Variants in ZNF737 observed in about 807,000 individuals in gnomAD.
The protein encoded by ZNF737 is zinc finger protein 102 (Y3).
ZNF737 carries 13 observed loss-of-function variants against 11.7 expected under a neutral mutation model. That is an observed-to-expected ratio of 1.11 (90% CI 0.73 to 1.77). ZNF737 has a LOEUF of 1.77. Ranked by LOEUF, ZNF737 falls within the 40% of genes most tolerant of loss-of-function variation. The probability of loss-of-function intolerance (pLI) is 0.00; values close to 1 mark genes in which losing one functional copy is unlikely to be tolerated. For synonymous variants in ZNF737, 217 were observed against 216.2 expected, an observed-to-expected ratio of 1.00 and a Z score of -0.03; for missense variants, 636 against 638.0, an observed-to-expected ratio of 1.00 and a Z score of 0.03.
chr19:20,545,825 G>A lies in ZNF737; in HGVS notation c.378C>T (p.His126=), dbSNP rs781973001. The A allele has an allele frequency of 6.2e-6, 10 of 1,613,370 alleles. No individual in the cohort carries two copies. The South Asian group carries it at 8.8e-5, about 14-fold the overall frequency. ...GGTTAAGTCCATTATAACCTCTTTT[G>A]TGCACCTTACACTCATCTACACTTT... ...GCESVDECKV[H]KRGYNGLNQY... The change falls in exon 4 of 4, where the codon CAC becomes CAT. Residue 126 remains histidine (H), a synonymous_variant. Coordinates refer to ENST00000427401, the MANE Select transcript of ZNF737 (RefSeq NM_001159293.2).
chr19:20,542,693 C>T lies in ZNF737; in HGVS notation c.*1899G>A, dbSNP rs1159740485. On this transcript the variant is annotated 3_prime_UTR_variant, in exon 4 of 4. Transcript: ENST00000427401. ...TACATTACTTAATAGAATTTTACTACAAACAGCTTCTCCACTTGTATTTTC... is the reference window on the plus strand; with the variant it reads ...TACATTACTTAATAGAATTTTACTATAAACAGCTTCTCCACTTGTATTTTC... 20 of 983,656 alleles carry T rather than the reference C, an allele frequency of 2.0e-5. No individual in the cohort carries two copies. Among genetic ancestry groups the T allele is most frequent in the Non-Finnish European group, 2.4e-5 (20 of 828,542 alleles). The allele number at this position is 983,656 out of a possible 1,614,324, so 60.9% of individuals were successfully genotyped here. A position where few individuals can be genotyped will look rare whatever the true frequency, so the allele number is the denominator to read the frequency against.
intron 3 of ZNF737, 143 bp downstream of exon 3, chr19:20,552,332 G>GAAA (rs58829785): frequency 2.9e-4 from 99 of 337,420 alleles, no homozygotes; most frequent in South Asian, 4.4e-4. Context: ...ATTTAAAAAA[G>GAAA]AAAAAAAAAA....
rs548051104 is a variant in ZNF737, at chr19:20,539,262, C to T, written c.*5330G>A. On this transcript the variant is annotated 3_prime_UTR_variant, in exon 4 of 4. Transcript: ENST00000427401. ...CTGAGCACGTACCATTGCAGTGCAG[C>T]GTGAGTGACAGAGTGAGAATCCTTC... 1.4e-5 allele frequency: 13 copies of T among 941,908 alleles called. No homozygotes were observed. Among genetic ancestry groups the T allele is most frequent in the Non-Finnish European group, 1.6e-5 (13 of 791,838 alleles). The allele number at this position is 941,908 out of a possible 1,614,324, so 58.3% of individuals were successfully genotyped here.
At position 20,543,079 on chromosome 19, in the gene ZNF737, A is replaced by G. The variant is rs1239049272; in HGVS notation, c.*1513T>C. On this transcript the variant is annotated 3_prime_UTR_variant, in exon 4 of 4. Coordinates refer to ENST00000427401, the MANE Select transcript of ZNF737 (RefSeq NM_001159293.2). ...GAAGTGTCGGGGCCTTAGTTATTCT[A>G]CTGTAAACTCTCTTGATATTTATAT... The G allele has an allele frequency of 1.0e-6, 1 of 977,452 alleles. No homozygotes were observed. Among genetic ancestry groups the G allele is most frequent in the Non-Finnish European group, 1.2e-6 (1 of 822,950 alleles). 60.5% of individuals were successfully genotyped at this position (977,452 alleles called of 1,614,324 possible). A position where few individuals can be genotyped will look rare whatever the true frequency, so the allele number is the denominator to read the frequency against.
rs892309053 is a variant in ZNF737 at position 20,543,369 on chromosome 19, T to A, written c.*1223A>T. ...TAAATGTACTATGTAACTCCCTTTA[T>A]ATTTGTAATGCTTGTCTTCACAATA... is the stretch of plus-strand genomic sequence containing the variant. On this transcript the variant is annotated 3_prime_UTR_variant, in exon 4 of 4. Transcript: ENST00000427401. 4 of 986,574 alleles carry A rather than the reference T, an allele frequency of 4.1e-6. No individual in the cohort carries two copies. The South Asian group carries it at 1.9e-4, about 46-fold the overall frequency. 61.1% of individuals were successfully genotyped at this position (986,574 alleles called of 1,614,324 possible). A position where few individuals can be genotyped will look rare whatever the true frequency, so the allele number is the denominator to read the frequency against.
In ZNF737 at chr19:20,545,430, T is replaced by C. The variant is rs1968412500; in HGVS notation, c.773A>G (p.Lys258Arg). The change falls in exon 4 of 4, where the codon AAA (lysine) becomes AGA (arginine). Residue 258 changes from lysine (K) to arginine (R), a missense_variant. Coordinates refer to ENST00000427401, the MANE Select transcript of ZNF737 (RefSeq NM_001159293.2). Reference protein sequence around the residue: ...KIIHSGEKPYKCEECGKAFKR... With the variant: ...KIIHSGEKPYRCEECGKAFKR... ...AAAGGCCTTGCCACATTCTTCACATTTGTAGGGTTTCTCTCCACTATGAAT... is the reference window on the plus strand; with the variant it reads ...AAAGGCCTTGCCACATTCTTCACATCTGTAGGGTTTCTCTCCACTATGAAT... 3 of 1,613,874 alleles carry C rather than the reference T, an allele frequency of 1.9e-6. No individual in the cohort carries two copies. The highest frequency in any genetic ancestry group is 1.3e-5 in the African/African-American group (1 of 75,056).
intron 1 of ZNF737, among the ~76,000 whole-genome samples, chr19:20,562,988 A>G (rs1555762860): frequency 6.6e-6 from 1 of 151,604 alleles, no homozygotes; most frequent in Non-Finnish European, 1.5e-5. Context: ...TCCCTAAAAA[A>G]GAAAGCCCTT....
At chr19:20,562,993 G>C (rs1387108840) in intron 1 of ZNF737, among the ~76,000 whole-genome samples, 1 of 150,982 alleles carries the variant, frequency 6.6e-6, no homozygotes, top group Non-Finnish European at 1.5e-5. Context: ...AAAAAAGAAA[G>C]CCCTTTTCTG....
In ZNF737 at chr19:20,544,941, C is replaced by T. The variant is rs782178651; in HGVS notation, c.1262G>A (p.Gly421Glu). ...TTCTTCACACTTGAAGGGTTGCTGT[C>T]CAGTATGGATTATCTTATGTGTAGT... The part of the protein sequence containing the change: ...SLTTHKIIHT[G>E]QQPFKCEECG... Residue 421 changes from glycine to glutamate, a missense_variant, in exon 4 of 4, where the codon GGA becomes GAA. Gly to Glu is a moderately conservative substitution (Grantham distance 98, BLOSUM62 -2). Coordinates refer to ENST00000427401, the MANE Select transcript of ZNF737 (RefSeq NM_001159293.2). The T allele has an allele frequency of 2.1e-5, 34 of 1,612,552 alleles. 1 individual carries two copies. In the Admixed American group the frequency reaches 5.7e-4, roughly 27 times the overall value.
chr19:20,562,498 C>A (rs1969135600), intron 1 of ZNF737, among the ~76,000 whole-genome samples: 1 of 152,042 alleles, frequency 6.6e-6, no homozygotes, highest in South Asian at 2.1e-4. Context: ...CAGGCATGCA[C>A]CACAATACCT....
chr19:20,534,470 T>TATCTATC (rs1967907609), downstream of ZNF737, among the ~76,000 whole-genome samples: 3 of 149,404 alleles, frequency 2.0e-5, no homozygotes, highest in Non-Finnish European at 3.0e-5. Context: ...TCTATCTATC[T>TATCTATC]ATCTATCTAT....
chr19:20,551,273 C>CA (rs1161680262), intron 3 of ZNF737: 1 of 151,534 alleles, frequency 6.6e-6, no homozygotes, highest in Non-Finnish European at 1.5e-5. Flanking sequence ...CAAAAAAATA[C>CA]AAAAAATTAG....
intron 3 of ZNF737, among the ~76,000 whole-genome samples, chr19:20,548,429 TATATG>T (rs1483349801): frequency 2.6e-5 from 4 of 152,198 alleles, no homozygotes; most frequent in Admixed American, 2.0e-4. Context: ...TGATTCCACA[TATATG>T]ATATATCTTA....
intron 1 of ZNF737, among the ~76,000 whole-genome samples, chr19:20,554,441 G>T (rs1968809923): frequency 6.6e-6 from 1 of 152,070 alleles, no homozygotes. Context: ...TAAGAAAAAA[G>T]GACAACTGCC....
chr19:20,557,486 TAAA>T (rs35068430), intron 1 of ZNF737, among the ~76,000 whole-genome samples: 3 of 135,976 alleles, frequency 2.2e-5, no homozygotes, highest in Admixed American at 7.3e-5. Context: ...TAAGCTTACC[TAAA>T]AAAAAAAAAA....
intron 1 of ZNF737, among the ~76,000 whole-genome samples, chr19:20,555,224 C>T (rs1457812547): frequency 4.0e-5 from 6 of 151,284 alleles, no homozygotes; most frequent in Admixed American, 6.6e-5. Flanking sequence ...ACTCTGTTGC[C>T]CAGGCTGGAG....
Position 20,540,350 on chromosome 19 carries a change from CCA to C in ZNF737, c.*4240_*4241del, listed in dbSNP as rs1388326996. Reference sequence around the variant, plus strand: ...ACCTAATTTCATAAGTGATTTCCCACCACAGTCACACATTTTTTTTACACTCA... The same window carrying C: ...ACCTAATTTCATAAGTGATTTCCCACCAGTCACACATTTTTTTTACACTCA... On this transcript the variant is annotated 3_prime_UTR_variant, in exon 4 of 4. Transcript: ENST00000427401. Among the ~76,000 whole-genome samples, 11 of 152,138 alleles carry C rather than the reference CCA, an allele frequency of 7.2e-5. No individual in the cohort carries two copies. The East Asian group carries it at 9.6e-4, about 13-fold the overall frequency.
At chr19:20,562,903 T>C (rs1271592679) in intron 1 of ZNF737, among the ~76,000 whole-genome samples, 1 of 151,952 alleles carries the variant, frequency 6.6e-6, no homozygotes, top group African/African-American at 2.4e-5. Flanking sequence ...TAAGACATCC[T>C]CTGATCTAAA....
intron 3 of ZNF737, 123 bp downstream of exon 3, chr19:20,552,352 C>A: frequency 7.5e-6 from 4 of 534,142 alleles, no homozygotes; most frequent in Non-Finnish European, 1.2e-5. Flanking sequence ...AAAAAAACAG[C>A]TCCCAGGAAC....
Sources: allele counts gnomAD v4.1 joint callset (sites outside exome capture counted in the v4.1 genomes callset), GRCh38; gene constraint gnomAD v4.1.1; transcripts MANE v1.5; gene names NCBI Gene and HGNC (gene_info 2026-07-23, HGNC 2026-07-21).